IPCEF1: variants seen among roughly 807,000 people sequenced by gnomAD.
The protein encoded by IPCEF1 is interaction protein for cytohesin exchange factors 1.
Under a neutral mutation model 50.9 loss-of-function variants are expected in IPCEF1, and 31 were observed. The observed-to-expected ratio is 0.61, with a 90% CI of 0.46 to 0.82. The LOEUF is 0.82. Among genes scored for constraint, IPCEF1 ranks in the 40% least tolerant of loss-of-function variants. The pLI, the probability that IPCEF1 is intolerant of heterozygous loss-of-function variation, is 0.00. For synonymous variants in IPCEF1, 181 were observed against 192.0 expected, an observed-to-expected ratio of 0.94 and a Z score of 0.47; for missense variants, 458 against 514.0, an observed-to-expected ratio of 0.89 and a Z score of 1.05.
At chr6:154,205,636 T>C (rs1275087714) in intron 9 of IPCEF1, among the ~76,000 whole-genome samples, 1 of 152,134 alleles carries the variant, frequency 6.6e-6, no homozygotes. Flanking sequence ...CATTAATTTA[T>C]TATGTATTAT....
chr6:154,179,044 G>C (rs75561240), intron 10 of IPCEF1, among the ~76,000 whole-genome samples: 1 of 152,162 alleles, frequency 6.6e-6, no homozygotes, highest in Non-Finnish European at 1.5e-5. Context: ...CCAGGTCCAC[G>C]ACCCAGTCAG....
intron 10 of IPCEF1, among the ~76,000 whole-genome samples, chr6:154,189,157 A>C (rs1324421020): frequency 2.0e-5 from 3 of 152,268 alleles, no homozygotes; most frequent in African/African-American, 7.2e-5. Flanking sequence ...TATGGGTAAA[A>C]GAGTGAAATA....
chr6:154,229,965 G>A (rs541932333), intron 5 of IPCEF1, among the ~76,000 whole-genome samples: 6 of 152,264 alleles, frequency 3.9e-5, no homozygotes, highest in Admixed American at 6.5e-5. Flanking sequence ...AAACACAAGC[G>A]ATCAGTTATG....
chr6:154,204,776 C>T (rs1428232721), intron 9 of IPCEF1, among the ~76,000 whole-genome samples: 2 of 152,202 alleles, frequency 1.3e-5, no homozygotes, highest in African/African-American at 4.8e-5. Flanking sequence ...CTAACACACA[C>T]AAAAAGTCCA....
At chr6:154,182,255 G>A (rs976936743) in intron 10 of IPCEF1, among the ~76,000 whole-genome samples, 5 of 152,032 alleles carry the variant, frequency 3.3e-5, no homozygotes, top group African/African-American at 7.2e-5. Flanking sequence ...AGTCATGTAC[G>A]TATCTTCTTT....
chr6:154,209,413 G>A (rs529864503), intron 9 of IPCEF1, among the ~76,000 whole-genome samples: 1 of 152,228 alleles, frequency 6.6e-6, no homozygotes, highest in South Asian at 2.1e-4. Flanking sequence ...CACTTTGGGA[G>A]GCCAAGGTGA....
chr6:154,164,998 C>T (rs917334068), intron 11 of IPCEF1, among the ~76,000 whole-genome samples: 11 of 152,218 alleles, frequency 7.2e-5, no homozygotes, highest in South Asian at 2.1e-4. Flanking sequence ...TTCTTATTTA[C>T]GGAATGCACC....
chr6:154,226,044 C>G (rs1779222539), intron 5 of IPCEF1, among the ~76,000 whole-genome samples: 1 of 152,164 alleles, frequency 6.6e-6, no homozygotes, highest in Admixed American at 6.5e-5. Context: ...CCCCTTTTTC[C>G]TCTAACTATG....
chr6:154,321,778 T>TAAAAAAAA (rs61648946), intron 1 of IPCEF1, among the ~76,000 whole-genome samples: 601 of 51,910 alleles, frequency 0.012, 9 homozygotes, highest in Non-Finnish European at 0.014. Flanking sequence ...AGACTCTTTC[T>TAAAAAAAA]AAAAAAAAAA....
chr6:154,326,466 T>C (rs962021401), intron 1 of IPCEF1, among the ~76,000 whole-genome samples: 3 of 151,856 alleles, frequency 2.0e-5, no homozygotes, highest in African/African-American at 4.8e-5. Flanking sequence ...CCATTCACAA[T>C]TGCTACAAAA....
chr6:154,278,505 C>T (rs1370124671), intron 2 of IPCEF1, among the ~76,000 whole-genome samples: 1 of 152,220 alleles, frequency 6.6e-6, no homozygotes, highest in Admixed American at 6.5e-5. Flanking sequence ...CAAAGATGAA[C>T]TGCCAAGCCA....
At chr6:154,182,968 T>C (rs1358957699) in intron 10 of IPCEF1, among the ~76,000 whole-genome samples, 3 of 150,950 alleles carry the variant, frequency 2.0e-5, no homozygotes, top group Non-Finnish European at 3.0e-5. Flanking sequence ...AACAAATAAA[T>C]GCCCTTATCT....
rs1289240128 is a variant in IPCEF1, at chr6:154,180,405, TATATA to T, written c.911-12297_911-12293del. ...CAACAACTATATATATATATATATA[TATATA>T]TATATTTTTTTTTTAAACATGATCC... is the stretch of plus-strand genomic sequence containing the variant. On this transcript the variant is annotated intron_variant, in intron 10 of 11. Coordinates refer to ENST00000367220, the MANE Select transcript of IPCEF1 (RefSeq NM_001130700.2). Among the ~76,000 whole-genome samples the T allele has an allele frequency of 3.9e-3, 163 of 41,986 alleles. 2 individuals are homozygous for T. Among genetic ancestry groups the T allele is most frequent in the African/African-American group, 0.012 (160 of 13,718 alleles). The allele number at this position is 41,986 out of a possible 152,430, so 27.5% of individuals were successfully genotyped here.
intron 11 of IPCEF1, among the ~76,000 whole-genome samples, chr6:154,165,279 C>T (rs1799336217): frequency 6.6e-6 from 1 of 152,178 alleles, no homozygotes; most frequent in African/African-American, 2.4e-5. Context: ...AAGCTCCATT[C>T]ACATCCCCTC....
chr6:154,241,899 C>A (rs1435850337), intron 5 of IPCEF1, among the ~76,000 whole-genome samples: 3 of 152,180 alleles, frequency 2.0e-5, no homozygotes, highest in African/African-American at 7.2e-5. Flanking sequence ...GGCCCTAAGT[C>A]ACCTCTAAAT....
At chr6:154,324,081 A>C (rs932383706) in intron 1 of IPCEF1, among the ~76,000 whole-genome samples, 1 of 152,216 alleles carries the variant, frequency 6.6e-6, no homozygotes, top group Admixed American at 6.5e-5. Context: ...ATAAGTTTGA[A>C]ATTTTTCATA....
intron 3 of IPCEF1, among the ~76,000 whole-genome samples, chr6:154,255,932 C>G (rs1341734016): frequency 1.3e-5 from 2 of 151,974 alleles, no homozygotes; most frequent in Non-Finnish European, 2.9e-5. Context: ...TTCTTTGAAC[C>G]TCGTACTTAA....
intron 9 of IPCEF1, among the ~76,000 whole-genome samples, chr6:154,206,596 T>C (rs374562001): frequency 0.022 from 1,927 of 87,826 alleles, 43 homozygotes; most frequent in African/African-American, 0.095. Flanking sequence ...CAGATTGTGA[T>C]AACAACATGA....
At chr6:154,313,374 C>CA (rs59870958) in intron 1 of IPCEF1, among the ~76,000 whole-genome samples, 4,413 of 127,894 alleles carry the variant, frequency 0.035, 79 homozygotes, top group Non-Finnish European at 0.038. Context: ...GATTCTGTCT[C>CA]AAAAAAAAAA....
Sources: gnomAD v4.1 joint callset for allele counts (sites outside exome capture counted in the v4.1 genomes callset) on GRCh38, gnomAD v4.1.1 for gene constraint, MANE v1.5 for transcripts, NCBI Gene and HGNC (gene_info 2026-07-23, HGNC 2026-07-21) for gene names.